PHF14: variants seen among roughly 807,000 people sequenced by gnomAD.
The protein encoded by PHF14 is PHD finger protein 14.
Under a neutral mutation model 117.9 loss-of-function variants are expected in PHF14, and 55 were observed. The ratio of observed to expected loss-of-function variants is 0.47; its 90% CI spans 0.38 to 0.58. PHF14 has a LOEUF of 0.58. PHF14 is among the 20% of genes least tolerant of loss of function. PHF14 has a pLI of 0.00. For synonymous variants in PHF14, 409 were observed against 368.6 expected (o/e 1.11, Z -1.26); for missense variants, 978 against 1,122.2 (o/e 0.87, Z 1.84).
intron 16 of PHF14, chr7:11,063,106 TA>T: frequency 3.2e-6 from 3 of 932,938 alleles, no homozygotes; most frequent in Non-Finnish European, 3.8e-6. Flanking sequence ...CATGAAGTCT[TA>T]AATTTTATGA....
At chr7:11,075,937 C>T (rs1197267887) in intron 16 of PHF14, among the ~76,000 whole-genome samples, 1 of 152,010 alleles carries the variant, frequency 6.6e-6, no homozygotes, top group Non-Finnish European at 1.5e-5. Context: ...CGAGAGCATC[C>T]TGGCTAATAC....
At chr7:10,992,178 C>T (rs1311728691) in intron 4 of PHF14, among the ~76,000 whole-genome samples, 16 of 151,308 alleles carry the variant, frequency 1.1e-4, no homozygotes, top group Middle Eastern at 3.4e-3. Context: ...CTCAGCCTCC[C>T]GAGTAGCTGG....
At chr7:11,019,463 T>G (rs954673312) in intron 5 of PHF14, among the ~76,000 whole-genome samples, 2 of 152,202 alleles carry the variant, frequency 1.3e-5, no homozygotes, top group Admixed American at 6.5e-5. Flanking sequence ...CATGGTTCAA[T>G]CTTGGTAGGT....
At chr7:11,122,782 G>A (rs114289730) in intron 17 of PHF14, among the ~76,000 whole-genome samples, 1,642 of 152,146 alleles carry the variant, frequency 0.011, 32 homozygotes, top group African/African-American at 0.038. Flanking sequence ...TATAGTTCCA[G>A]CTTAGTCCAG....
intron 17 of PHF14, among the ~76,000 whole-genome samples, chr7:11,160,075 C>A (rs565352785): frequency 3.9e-5 from 6 of 152,194 alleles, no homozygotes; most frequent in African/African-American, 1.4e-4. Flanking sequence ...CCTTCCCTCC[C>A]CATTCTAGTA....
intron 2 of PHF14, among the ~76,000 whole-genome samples, chr7:10,979,804 C>G (rs1438312875): frequency 2.0e-5 from 3 of 152,006 alleles, no homozygotes; most frequent in African/African-American, 7.2e-5. Context: ...TGATGTATTG[C>G]TGATCCCTAT....
intron 5 of PHF14, among the ~76,000 whole-genome samples, chr7:11,021,189 G>A (rs1783722803): frequency 6.6e-6 from 1 of 152,102 alleles, no homozygotes; most frequent in African/African-American, 2.4e-5. Flanking sequence ...TGACAATTCT[G>A]ACTGTTTTTT....
intron 14 of PHF14, among the ~76,000 whole-genome samples, chr7:11,056,178 C>G (rs1785012993): frequency 6.6e-6 from 1 of 152,094 alleles, no homozygotes; most frequent in Non-Finnish European, 1.5e-5. Context: ...GTCCTTAGCT[C>G]AAGTAATCTT....
chr7:11,024,732 C>G (rs1783852294), intron 6 of PHF14, among the ~76,000 whole-genome samples: 1 of 152,166 alleles, frequency 6.6e-6, no homozygotes, highest in Non-Finnish European at 1.5e-5. Context: ...AAAAAAGATT[C>G]CTTTCAAAAG....
chr7:11,060,198 T>G (rs1331722846), intron 14 of PHF14, among the ~76,000 whole-genome samples: 1 of 152,214 alleles, frequency 6.6e-6, no homozygotes, highest in Non-Finnish European at 1.5e-5. Flanking sequence ...TCTTTTAGTT[T>G]GTATTATATA....
chr7:11,062,791 G>A, intron 16 of PHF14: 5 of 985,272 alleles, frequency 5.1e-6, no homozygotes, highest in Non-Finnish European at 4.8e-6. Context: ...ATGGGGGAGT[G>A]AGTGTGTGAA....
intron 7 of PHF14, among the ~76,000 whole-genome samples, chr7:11,029,782 G>T (rs577171493): frequency 6.6e-6 from 1 of 152,128 alleles, no homozygotes; most frequent in East Asian, 1.9e-4. Context: ...ACATAGTAAT[G>T]AATGTTTATT....
intron 5 of PHF14, among the ~76,000 whole-genome samples, chr7:11,016,777 A>C (rs980266437): frequency 1.3e-5 from 2 of 152,108 alleles, no homozygotes; most frequent in African/African-American, 4.8e-5. Context: ...TTTTAAGTGT[A>C]CAATTTAGTT....
chr7:11,145,818 A>G (rs1320117933), intron 17 of PHF14, among the ~76,000 whole-genome samples: 1 of 152,018 alleles, frequency 6.6e-6, no homozygotes, highest in Non-Finnish European at 1.5e-5. Context: ...TAAACCTTTT[A>G]ATTTTTTGCT....
chr7:11,098,249 A>G (rs1413985843), intron 16 of PHF14, among the ~76,000 whole-genome samples: 1 of 152,190 alleles, frequency 6.6e-6, no homozygotes, highest in African/African-American at 2.4e-5. Flanking sequence ...AAATATCAGA[A>G]TATTTTGGGA....
chr7:10,975,480 T>C (rs1202205349), intron 2 of PHF14, among the ~76,000 whole-genome samples: 1 of 152,214 alleles, frequency 6.6e-6, no homozygotes, highest in East Asian at 1.9e-4. Flanking sequence ...GTATAAGTCA[T>C]GCATGCTTGC....
chr7:11,076,398 A>T (rs1785850297), intron 16 of PHF14, among the ~76,000 whole-genome samples: 1 of 152,020 alleles, frequency 6.6e-6, no homozygotes, highest in South Asian at 2.1e-4. Flanking sequence ...CTATTCTTAT[A>T]AGTATGCTGT....
At chr7:11,141,487 A>G (rs1301902287) in intron 17 of PHF14, among the ~76,000 whole-genome samples, 4 of 152,102 alleles carry the variant, frequency 2.6e-5, no homozygotes, top group African/African-American at 7.2e-5. Context: ...ATCTCACAGT[A>G]TGATTATGCT....
At chr7:11,075,910 T>C (rs574584889) in intron 16 of PHF14, among the ~76,000 whole-genome samples, 70 of 152,088 alleles carry the variant, frequency 4.6e-4, no homozygotes, top group Admixed American at 1.0e-3. Context: ...GGCGGGTGGA[T>C]CACGAGGTCA....
Sources: allele counts gnomAD v4.1 joint callset (sites outside exome capture counted in the v4.1 genomes callset), GRCh38; gene constraint gnomAD v4.1.1; transcripts MANE v1.5; gene names NCBI Gene and HGNC (gene_info 2026-07-23, HGNC 2026-07-21).